Variants in SORCS1 observed in about 807,000 individuals in gnomAD.
SORCS1 encodes the protein VPS10 domain-containing receptor SorCS1.
SORCS1 carries 60 observed loss-of-function variants against 146.1 expected under a neutral mutation model. The ratio of observed to expected loss-of-function variants is 0.41; its 90% CI spans 0.33 to 0.51. The LOEUF (loss-of-function observed/expected upper bound fraction) is 0.51, where lower values mean the gene tolerates loss of function less well. Ranked by LOEUF, SORCS1 falls within the 20% of genes least tolerant of loss-of-function variation. The probability of loss-of-function intolerance (pLI) is 0.21; values close to 1 mark genes in which losing one functional copy is unlikely to be tolerated. For missense variants in SORCS1, 1,352 were observed against 1,487.6 expected (o/e 0.91, Z 1.50); for synonymous variants, 637 against 584.0 (o/e 1.09, Z -1.31).
At chr10:107,075,461 C>T (rs182531563) in intron 1 of SORCS1, among the ~76,000 whole-genome samples, 108 of 152,172 alleles carry the variant, frequency 7.1e-4, no homozygotes, top group African/African-American at 2.4e-3. Flanking sequence ...AATAAATGTT[C>T]TAGGCACAGA....
At chr10:106,912,226 T>A (rs946805178) in intron 2 of SORCS1, among the ~76,000 whole-genome samples, 2 of 152,058 alleles carry the variant, frequency 1.3e-5, no homozygotes, top group Non-Finnish European at 2.9e-5. Context: ...CTACTGAGCA[T>A]GGAGAAAAGT....
chr10:106,853,665 T>C (rs1216737180), intron 2 of SORCS1, among the ~76,000 whole-genome samples: 1 of 152,096 alleles, frequency 6.6e-6, no homozygotes, highest in African/African-American at 2.4e-5. Flanking sequence ...TTATTTTATT[T>C]TCCTTTACTT....
chr10:106,665,406 T>G (rs752911789), intron 17 of SORCS1, among the ~76,000 whole-genome samples: 32 of 149,296 alleles, frequency 2.1e-4, no homozygotes, highest in Non-Finnish European at 4.1e-4. Flanking sequence ...TTTTTTTTAA[T>G]AGATGGGGGT....
At chr10:106,976,208 T>A (rs1955992503) in intron 1 of SORCS1, among the ~76,000 whole-genome samples, 1 of 148,564 alleles carries the variant, frequency 6.7e-6, no homozygotes, top group Non-Finnish European at 1.5e-5. Context: ...TGTTGCTTCA[T>A]CTGTTTTTTT....
intron 17 of SORCS1, among the ~76,000 whole-genome samples, chr10:106,660,987 C>T (rs1850684427): frequency 1.3e-5 from 2 of 152,198 alleles, no homozygotes; most frequent in South Asian, 4.1e-4. Context: ...CAACCCACTG[C>T]CCACTTTATT....
At chr10:107,004,254 T>A (rs1235149168) in intron 1 of SORCS1, among the ~76,000 whole-genome samples, 1 of 151,954 alleles carries the variant, frequency 6.6e-6, no homozygotes, top group East Asian at 1.9e-4. Flanking sequence ...AAGTTTGTAT[T>A]CCTAAACAGG....
intron 19 of SORCS1, among the ~76,000 whole-genome samples, chr10:106,623,844 C>T (rs1407537901): frequency 2.6e-5 from 4 of 151,714 alleles, no homozygotes; most frequent in South Asian, 2.1e-4. Context: ...TTTCGACATC[C>T]GGCTAATTTT....
chr10:106,844,018 G>GT (rs907169160), intron 2 of SORCS1, among the ~76,000 whole-genome samples: 6 of 152,156 alleles, frequency 3.9e-5, no homozygotes, highest in Non-Finnish European at 7.3e-5. Context: ...CACCACAAGT[G>GT]TACAAGGGTT....
At chr10:106,611,593 G>A (rs1846992057) in intron 22 of SORCS1, among the ~76,000 whole-genome samples, 1 of 152,174 alleles carries the variant, frequency 6.6e-6, no homozygotes, top group African/African-American at 2.4e-5. Flanking sequence ...TGGCCTAATT[G>A]TGAACTCTGC....
intron 2 of SORCS1, among the ~76,000 whole-genome samples, chr10:106,898,499 C>T (rs1951573612): frequency 6.6e-6 from 1 of 152,166 alleles, no homozygotes; most frequent in South Asian, 2.1e-4. Context: ...TTCAACCATT[C>T]CGAAATGAGC....
At chr10:107,014,769 A>G (rs1204756544) in intron 1 of SORCS1, among the ~76,000 whole-genome samples, 1 of 152,198 alleles carries the variant, frequency 6.6e-6, no homozygotes, top group Non-Finnish European at 1.5e-5. Context: ...ATTTCTAGAG[A>G]AAAAAAGTTT....
chr10:107,168,379 T>G (rs1256293390), upstream of SORCS1, among the ~76,000 whole-genome samples: 2 of 152,240 alleles, frequency 1.3e-5, no homozygotes, highest in Non-Finnish European at 2.9e-5. Flanking sequence ...TTACAGCATT[T>G]AATTATTTTA....
At chr10:107,080,442 G>A (rs6584791) in intron 1 of SORCS1, among the ~76,000 whole-genome samples, 1 of 151,828 alleles carries the variant, frequency 6.6e-6, no homozygotes. Context: ...GACAATTTTT[G>A]TCCTCAGGTT....
chr10:106,762,319 A>G (rs1859177954), intron 4 of SORCS1, among the ~76,000 whole-genome samples: 1 of 151,814 alleles, frequency 6.6e-6, no homozygotes, highest in Admixed American at 6.6e-5. Context: ...AGTAATAATT[A>G]CACATTATTC....
intron 24 of SORCS1, among the ~76,000 whole-genome samples, chr10:106,589,068 C>G (rs542124919): frequency 3.2e-4 from 49 of 152,158 alleles, no homozygotes; most frequent in African/African-American, 1.2e-3. Flanking sequence ...AACTATGGGG[C>G]AGGGTTTCAT....
chr10:107,106,885 T>TA (rs1965347926), intron 1 of SORCS1, among the ~76,000 whole-genome samples: 1 of 152,174 alleles, frequency 6.6e-6, no homozygotes, highest in Admixed American at 6.5e-5. Flanking sequence ...CATGTGAGGA[T>TA]ACAAAGAGAA....
intron 6 of SORCS1, among the ~76,000 whole-genome samples, chr10:106,720,429 A>T (rs1855702292): frequency 6.6e-6 from 1 of 151,434 alleles, no homozygotes; most frequent in East Asian, 1.9e-4. Context: ...GTTATAAGTA[A>T]GGCAGCTGAA....
At chr10:106,762,543 C>T (rs1859212462) in intron 4 of SORCS1, among the ~76,000 whole-genome samples, 1 of 151,460 alleles carries the variant, frequency 6.6e-6, no homozygotes, top group African/African-American at 2.4e-5. Flanking sequence ...CAGGTGCCTG[C>T]CACCAAGCCC....
chr10:107,150,424 C>T (rs746827572), intron 1 of SORCS1, among the ~76,000 whole-genome samples: 35 of 152,246 alleles, frequency 2.3e-4, no homozygotes, highest in Admixed American at 2.6e-4. Flanking sequence ...ATCTGATGAA[C>T]ATATGGCTTC....
Sources: allele counts gnomAD v4.1 joint callset (sites outside exome capture counted in the v4.1 genomes callset), GRCh38; gene constraint gnomAD v4.1.1; transcripts MANE v1.5; gene names NCBI Gene and HGNC (gene_info 2026-07-23, HGNC 2026-07-21).